The following SORCS3 variants were observed in gnomAD, a reference collection of about 807,000 sequenced individuals.
SORCS3 encodes VPS10 domain-containing receptor SorCS3.
In SORCS3, 57 loss-of-function variants were observed where a neutral mutation model predicts 146.3. The observed-to-expected ratio is 0.39, with a 90% CI of 0.31 to 0.49. The LOEUF is 0.49. Among genes scored for constraint, SORCS3 ranks in the 20% least tolerant of loss-of-function variants. The probability of loss-of-function intolerance (pLI) is 0.92; values close to 1 mark genes in which losing one functional copy is unlikely to be tolerated. For missense variants in SORCS3, 1,341 were observed against 1,575.5 expected (o/e 0.85, Z 2.52); for synonymous variants, 653 against 618.5 (o/e 1.06, Z -0.83).
At chr10:104,655,531 A>G (rs527945208) in intron 1 of SORCS3, among the ~76,000 whole-genome samples, 87 of 152,292 alleles carry the variant, frequency 5.7e-4, no homozygotes, top group African/African-American at 1.9e-3. Context: ...CTTTAAAAAA[A>G]TTTAAAATCA....
chr10:105,068,539 C>G (rs1472658198), intron 5 of SORCS3, among the ~76,000 whole-genome samples: 1 of 152,178 alleles, frequency 6.6e-6, no homozygotes, highest in Non-Finnish European at 1.5e-5. Context: ...ATGGCTTCTT[C>G]TTGTTTCCTA....
chr10:104,809,435 G>T (rs2017716831), intron 1 of SORCS3, among the ~76,000 whole-genome samples: 1 of 152,188 alleles, frequency 6.6e-6, no homozygotes, highest in African/African-American at 2.4e-5. Context: ...GGCTAGGCAT[G>T]GTTCTCAAAG....
chr10:104,715,248 G>A (rs1028860944), intron 1 of SORCS3, among the ~76,000 whole-genome samples: 2 of 152,142 alleles, frequency 1.3e-5, no homozygotes, highest in South Asian at 4.1e-4. Context: ...CACGGTGGGT[G>A]GGCATCATCC....
chr10:105,231,249 A>G (rs2056763851), intron 20 of SORCS3, among the ~76,000 whole-genome samples: 1 of 152,254 alleles, frequency 6.6e-6, no homozygotes, highest in Admixed American at 6.5e-5. Context: ...GAAGACCAGT[A>G]TGAGCTGCCT....
At chr10:104,778,098 A>G (rs2017330403) in intron 1 of SORCS3, among the ~76,000 whole-genome samples, 1 of 152,218 alleles carries the variant, frequency 6.6e-6, no homozygotes, top group Non-Finnish European at 1.5e-5. Flanking sequence ...TATATTTCAA[A>G]GTAGCTAGAA....
intron 20 of SORCS3, among the ~76,000 whole-genome samples, chr10:105,242,798 A>T (rs1435551401): frequency 9.5e-6 from 1 of 104,964 alleles, no homozygotes; most frequent in Non-Finnish European, 1.7e-5. Context: ...ATATACATTT[A>T]TATATAATTT....
At chr10:104,774,300 A>G (rs2017283924) in intron 1 of SORCS3, among the ~76,000 whole-genome samples, 1 of 152,096 alleles carries the variant, frequency 6.6e-6, no homozygotes. Flanking sequence ...TCCTCCTTCT[A>G]GAGGCTCTCT....
At chr10:104,811,893 A>G (rs1564689395) in intron 1 of SORCS3, among the ~76,000 whole-genome samples, 1 of 152,220 alleles carries the variant, frequency 6.6e-6, no homozygotes, top group African/African-American at 2.4e-5. Flanking sequence ...TGGTCTCAAT[A>G]TATGTTATTT....
intron 1 of SORCS3, among the ~76,000 whole-genome samples, chr10:104,767,963 A>G (rs2017201494): frequency 6.6e-6 from 1 of 152,096 alleles, no homozygotes; most frequent in Non-Finnish European, 1.5e-5. Context: ...GTACTCCAGT[A>G]CAGTGCATAC....
chr10:104,922,997 G>T (rs911182545), intron 3 of SORCS3, among the ~76,000 whole-genome samples: 1 of 152,204 alleles, frequency 6.6e-6, no homozygotes, highest in Non-Finnish European at 1.5e-5. Flanking sequence ...TGTCATTGTA[G>T]GGTAAGACCA....
intron 1 of SORCS3, among the ~76,000 whole-genome samples, chr10:104,783,192 T>C (rs2017394347): frequency 6.6e-6 from 1 of 152,208 alleles, no homozygotes; most frequent in Non-Finnish European, 1.5e-5. Context: ...GTGATGTGAA[T>C]ATTAAGACAG....
At chr10:105,112,167 T>C (rs1307207180) in intron 7 of SORCS3, among the ~76,000 whole-genome samples, 5 of 152,196 alleles carry the variant, frequency 3.3e-5, no homozygotes, top group African/African-American at 1.2e-4. Flanking sequence ...TGCTTTGCCA[T>C]AGGCCATTTT....
chr10:105,174,801 C>T (rs1225844116), intron 13 of SORCS3, among the ~76,000 whole-genome samples: 1 of 152,108 alleles, frequency 6.6e-6, no homozygotes, highest in Non-Finnish European at 1.5e-5. Context: ...TTTCATGTAG[C>T]AGGACCTTGA....
intron 1 of SORCS3, among the ~76,000 whole-genome samples, chr10:104,717,704 CAG>C (rs978900765): frequency 1.5e-4 from 23 of 152,290 alleles, no homozygotes; most frequent in African/African-American, 4.3e-4. Flanking sequence ...CAGCAGAAAA[CAG>C]AGGGTCAGAG....
At chr10:104,986,791 A>G (rs765678045) in intron 4 of SORCS3, among the ~76,000 whole-genome samples, 4 of 152,210 alleles carry the variant, frequency 2.6e-5, no homozygotes, top group Non-Finnish European at 5.9e-5. Context: ...TAAGTGAACC[A>G]TTTTCTACAG....
chr10:104,760,295 G>T (rs1014443603), intron 1 of SORCS3, among the ~76,000 whole-genome samples: 6 of 152,232 alleles, frequency 3.9e-5, no homozygotes, highest in Non-Finnish European at 5.9e-5. Flanking sequence ...CTGGCACACA[G>T]TCAGTGCTTA....
At chr10:104,864,500 A>C (rs2018439327) in intron 2 of SORCS3, among the ~76,000 whole-genome samples, 1 of 152,114 alleles carries the variant, frequency 6.6e-6, no homozygotes, top group Non-Finnish European at 1.5e-5. Flanking sequence ...GTATACCTGA[A>C]GTGGTACCTG....
intron 1 of SORCS3, among the ~76,000 whole-genome samples, chr10:104,806,505 T>G (rs183466135): frequency 6.6e-6 from 1 of 152,348 alleles, no homozygotes; most frequent in Non-Finnish European, 1.5e-5. Context: ...GCCACAACAT[T>G]GTTTATTACC....
At chr10:104,684,933 T>C (rs1170927162) in intron 1 of SORCS3, among the ~76,000 whole-genome samples, 1 of 151,266 alleles carries the variant, frequency 6.6e-6, no homozygotes, top group Non-Finnish European at 1.5e-5. Flanking sequence ...TTCTCCTGCC[T>C]CAGCCTCCTG....
Sources: allele counts gnomAD v4.1 joint callset (sites outside exome capture counted in the v4.1 genomes callset), GRCh38; gene constraint gnomAD v4.1.1; transcripts MANE v1.5; gene names NCBI Gene and HGNC (gene_info 2026-07-23, HGNC 2026-07-21).